Variants in TMEM135 observed in about 807,000 individuals in gnomAD.
The protein encoded by TMEM135 is transmembrane protein 135.
In TMEM135, 30 loss-of-function variants were observed where a neutral mutation model predicts 60.3. The observed-to-expected ratio is 0.50, with a 90% CI of 0.37 to 0.68. The LOEUF (loss-of-function observed/expected upper bound fraction) is 0.68, where lower values mean the gene tolerates loss of function less well. Ranked by LOEUF, TMEM135 falls within the 30% of genes least tolerant of loss-of-function variation. The pLI, the probability that TMEM135 is intolerant of heterozygous loss-of-function variation, is 0.00. For missense variants in TMEM135, 468 were observed against 548.8 expected (o/e 0.85, Z 1.47); for synonymous variants, 190 against 186.7 (o/e 1.02, Z -0.14).
At chr11:87,161,827 T>G (rs576592946) in intron 5 of TMEM135, among the ~76,000 whole-genome samples, 10 of 152,206 alleles carry the variant, frequency 6.6e-5, no homozygotes, top group Non-Finnish European at 1.2e-4. Flanking sequence ...AGCATTATAT[T>G]TGGAGTTTTA....
chr11:87,272,730 G>A (rs1478676720), intron 6 of TMEM135, among the ~76,000 whole-genome samples: 2 of 152,168 alleles, frequency 1.3e-5, no homozygotes, highest in Middle Eastern at 3.4e-3. Context: ...CCAAAGTTCT[G>A]GAACTACAGA....
At chr11:87,285,861 C>T (rs1221233011) in intron 6 of TMEM135, among the ~76,000 whole-genome samples, 1 of 152,062 alleles carries the variant, frequency 6.6e-6, no homozygotes, top group African/African-American at 2.4e-5. Flanking sequence ...CTGATTGGTC[C>T]GTTTTACAGA....
At chr11:87,039,345 TG>T (rs1949731497) in intron 1 of TMEM135, among the ~76,000 whole-genome samples, 1 of 152,194 alleles carries the variant, frequency 6.6e-6, no homozygotes, top group Admixed American at 6.5e-5. Context: ...TATGTTAAAA[TG>T]GGGGTTCTAA....
At chr11:87,270,046 G>A (rs535367054) in intron 6 of TMEM135, among the ~76,000 whole-genome samples, 1 of 134,138 alleles carries the variant, frequency 7.5e-6, no homozygotes, top group African/African-American at 2.6e-5. Context: ...TCTAACTGGT[G>A]TGAGATGGTA....
chr11:87,223,196 G>A (rs906421747), intron 5 of TMEM135, among the ~76,000 whole-genome samples: 2 of 138,034 alleles, frequency 1.4e-5, no homozygotes, highest in Admixed American at 8.2e-5. Context: ...ATGGAGTCTC[G>A]CACTTTCGCC....
intron 2 of TMEM135, among the ~76,000 whole-genome samples, chr11:87,071,062 C>G (rs945314404): frequency 6.6e-6 from 1 of 152,104 alleles, no homozygotes; most frequent in Admixed American, 6.6e-5. Context: ...GCATAGCCAG[C>G]AGGTTTGGAT....
Position 87,236,625 on chromosome 11 carries a change from C to T in TMEM135, c.463-13C>T, listed in dbSNP as rs922837076. 3 of 1,611,408 alleles carry T rather than the reference C, an allele frequency of 1.9e-6. No homozygotes were observed. In the Admixed American group the frequency reaches 5.0e-5, roughly 27 times the overall value. On this transcript the variant is annotated splice_polypyrimidine_tract_variant and intron_variant, in intron 5 of 14. Coordinates refer to ENST00000305494, the MANE Select transcript of TMEM135 (RefSeq NM_022918.4). ...TGTTCTTTTGCAAGTAATATATTTT[C>T]TCTTTGTTACAGGTCCTTTTGTTTT...
chr11:87,066,109 C>T (rs1443108322), intron 1 of TMEM135, among the ~76,000 whole-genome samples: 2 of 152,124 alleles, frequency 1.3e-5, no homozygotes, highest in East Asian at 3.8e-4. Context: ...ATTTGTTGAT[C>T]ACTGACTTTC....
At chr11:87,183,849 G>T (rs907934043) in intron 5 of TMEM135, among the ~76,000 whole-genome samples, 1 of 151,226 alleles carries the variant, frequency 6.6e-6, no homozygotes, top group South Asian at 2.1e-4. Flanking sequence ...CCAGCTAGTT[G>T]GGAGGCTGAG....
intron 12 of TMEM135, among the ~76,000 whole-genome samples, chr11:87,314,804 C>T (rs372003642): frequency 2.0e-5 from 3 of 151,772 alleles, no homozygotes; most frequent in African/African-American, 7.2e-5. Flanking sequence ...TGGCCAGTCT[C>T]CTTTCATCTA....
intron 4 of TMEM135, among the ~76,000 whole-genome samples, chr11:87,107,575 C>G (rs1857630445): frequency 1.3e-5 from 2 of 152,130 alleles, no homozygotes; most frequent in South Asian, 4.1e-4. Context: ...TCATCCATGT[C>G]CCTACAAAGG....
chr11:87,063,755 G>A (rs1949971117), intron 1 of TMEM135, among the ~76,000 whole-genome samples: 1 of 152,116 alleles, frequency 6.6e-6, no homozygotes, highest in Non-Finnish European at 1.5e-5. Context: ...TAAGGTCCTA[G>A]GTTATTTTCT....
At chr11:87,078,823 T>C (rs1310478800) in intron 3 of TMEM135, among the ~76,000 whole-genome samples, 2 of 151,176 alleles carry the variant, frequency 1.3e-5, no homozygotes, top group African/African-American at 4.9e-5. Context: ...GGTTTTGCCA[T>C]GTTGTCCAGG....
At chr11:87,312,807 G>T (rs1942664309) in intron 10 of TMEM135, among the ~76,000 whole-genome samples, 2 of 151,870 alleles carry the variant, frequency 1.3e-5, no homozygotes, top group African/African-American at 2.4e-5. Context: ...ATAGTTTGCT[G>T]ACCCCTATTT....
At chr11:87,293,345 T>A (rs924584647) in intron 6 of TMEM135, among the ~76,000 whole-genome samples, 4 of 152,152 alleles carry the variant, frequency 2.6e-5, no homozygotes, top group Non-Finnish European at 4.4e-5. Flanking sequence ...AGAAAGTAGA[T>A]CATGTTGCTT....
chr11:87,170,906 G>A (rs1317276983), intron 5 of TMEM135, among the ~76,000 whole-genome samples: 2 of 152,138 alleles, frequency 1.3e-5, no homozygotes, highest in African/African-American at 4.8e-5. Context: ...CTCTTCCCCA[G>A]GTTTTCTGTC....
rs111470729 is a variant in TMEM135 at position 87,286,092 on chromosome 11, C to T, written c.510-9690C>T. Among the ~76,000 whole-genome samples, 19 of 152,188 alleles carry T rather than the reference C, an allele frequency of 1.2e-4. No individual in the cohort carries two copies. The South Asian group carries it at 1.5e-3, about 12-fold the overall frequency. ...GTGCGTTTACAAACCTTGAGCTAGACGCAGAATGCTGATTGGTGTATTTAC... is the reference window on the plus strand; with the variant it reads ...GTGCGTTTACAAACCTTGAGCTAGATGCAGAATGCTGATTGGTGTATTTAC... On this transcript the variant is annotated intron_variant, in intron 6 of 14. Transcript: ENST00000305494.
chr11:87,055,586 T>G (rs145297713), intron 1 of TMEM135, among the ~76,000 whole-genome samples: 1 of 152,248 alleles, frequency 6.6e-6, no homozygotes, highest in Non-Finnish European at 1.5e-5. Context: ...TCTGAGAAGT[T>G]AAGCATCTTT....
At chr11:87,051,010 T>C (rs1441967702) in intron 1 of TMEM135, among the ~76,000 whole-genome samples, 2 of 90,322 alleles carry the variant, frequency 2.2e-5, no homozygotes, top group Non-Finnish European at 4.0e-5. Flanking sequence ...GCTGGTTCAA[T>C]ATACACAAAT....
Sources: allele counts gnomAD v4.1 joint callset (sites outside exome capture counted in the v4.1 genomes callset), GRCh38; gene constraint gnomAD v4.1.1; transcripts MANE v1.5; gene names NCBI Gene and HGNC (gene_info 2026-07-23, HGNC 2026-07-21).